The following LGR6 variants were observed in gnomAD, a reference collection of about 807,000 sequenced individuals.
LGR6 encodes leucine-rich repeat-containing G protein-coupled receptor 6.
Under a neutral mutation model 69.4 loss-of-function variants are expected in LGR6, and 45 were observed. That is an observed-to-expected ratio of 0.65 (90% confidence interval 0.51 to 0.83). The LOEUF (loss-of-function observed/expected upper bound fraction) is 0.83. LGR6 is among the 40% of genes least tolerant of loss of function. The pLI is 0.00. For missense variants in LGR6, 1,108 were observed against 1,246.7 expected (o/e 0.89, Z 1.68); for synonymous variants, 538 against 555.0 (o/e 0.97, Z 0.43).
At chr1:202,231,812 G>A (rs940550297) in intron 3 of LGR6, among the ~76,000 whole-genome samples, 4 of 152,086 alleles carry the variant, frequency 2.6e-5, no homozygotes, top group African/African-American at 9.7e-5. Context: ...CATTTTGTGG[G>A]CTGGGTGCGG....
At position 202,304,630 on chromosome 1, in the gene LGR6, T is replaced by C; in HGVS notation, c.1070T>C (p.Leu357Pro). 1.2e-6 allele frequency: 2 copies of C among 1,607,256 alleles called. No individual in the cohort carries two copies. Among genetic ancestry groups the C allele is most frequent in the Non-Finnish European group, 1.7e-6 (2 of 1,174,782 alleles). Residue 357 changes from leucine to proline, a missense_variant and splice_region_variant, in exon 11 of 18, where the codon CTG becomes CCG. Coordinates refer to ENST00000367278, the MANE Select transcript of LGR6 (RefSeq NM_001017403.2). ...MCQQLPRLRVLELSHNQIEEL... is the reference protein window; with the variant it reads ...MCQQLPRLRVPELSHNQIEEL... ...CAACAGCTGCCCAGGCTCCGAGTCC[T>C]GTGAGTGCTCACAAGAATTCTACAG...
chr1:202,204,443 ACCTC>A (rs1658975184), intron 1 of LGR6, among the ~76,000 whole-genome samples: 2 of 41,510 alleles, frequency 4.8e-5, no homozygotes, highest in Non-Finnish European at 4.6e-5. Context: ...ACACACACAC[ACCTC>A]CACACACACA....
intron 1 of LGR6, among the ~76,000 whole-genome samples, chr1:202,204,690 C>T (rs1389054752): frequency 3.4e-4 from 5 of 14,866 alleles, no homozygotes; most frequent in Admixed American, 9.4e-4. Context: ...CACACACACA[C>T]CCCCAAACAC....
At chr1:202,217,820 GC>G (rs1174609588) in intron 1 of LGR6, among the ~76,000 whole-genome samples, 2 of 152,180 alleles carry the variant, frequency 1.3e-5, no homozygotes, top group East Asian at 3.8e-4. Flanking sequence ...TAAAGCAGTA[GC>G]CCTTTTATTT....
chr1:202,234,507 T>C (rs1661357102), intron 3 of LGR6, among the ~76,000 whole-genome samples: 2 of 152,206 alleles, frequency 1.3e-5, no homozygotes, highest in African/African-American at 4.8e-5. Context: ...AGGCTCATCA[T>C]CTTACTGCTC....
intron 14 of LGR6, 135 bp from the exon 15 acceptor site, chr1:202,308,916 T>C: frequency 1.8e-6 from 2 of 1,081,728 alleles, no homozygotes; most frequent in Non-Finnish European, 2.6e-6. Context: ...CAATGCTCTC[T>C]TCTAAGCTTC....
At chr1:202,274,185 T>C (rs1418567451) in intron 4 of LGR6, among the ~76,000 whole-genome samples, 1 of 152,156 alleles carries the variant, frequency 6.6e-6, no homozygotes, top group Non-Finnish European at 1.5e-5. Flanking sequence ...AGCTTACTGG[T>C]GTGCTTGGTC....
chr1:202,253,620 CTTTTTTTTTT>C (rs71141468), intron 4 of LGR6, among the ~76,000 whole-genome samples: 1 of 52,460 alleles, frequency 1.9e-5, no homozygotes, highest in African/African-American at 6.9e-5. Context: ...TCCTACTATT[CTTTTTTTTTT>C]TTTTTTTTTT....
In LGR6 at chr1:202,318,716, C is replaced by T; in HGVS notation, c.2413C>T (p.Pro805Ser). 1 of 1,613,482 alleles carries T rather than the reference C, an allele frequency of 6.2e-7. No homozygotes were observed. Among genetic ancestry groups the T allele is most frequent in the South Asian group, 1.1e-5 (1 of 91,074 alleles). The change falls in exon 18 of 18, where the codon CCC (proline) becomes TCC (serine). Residue 805 changes from proline to serine, a missense_variant. Coordinates refer to ENST00000367278, the MANE Select transcript of LGR6 (RefSeq NM_001017403.2). ...CATGCTGGGCCTCTTCCCTGTCACG[C>T]CCGAGGCCGTCAAGTCTGTCCTGCT... ...ASMLGLFPVT[P>S]EAVKSVLLVV...
chr1:202,253,369 C>A (rs140699816), intron 4 of LGR6, among the ~76,000 whole-genome samples: 4 of 151,720 alleles, frequency 2.6e-5, no homozygotes, highest in African/African-American at 9.7e-5. Flanking sequence ...GTGGCGCGAT[C>A]TCGGCTCACT....
intron 12 of LGR6, 60 bp from the exon 13 acceptor site, chr1:202,306,808 G>A (rs531469182): frequency 3.4e-6 from 5 of 1,467,362 alleles, no homozygotes; most frequent in East Asian, 4.5e-5. Context: ...TGCTCGGGGG[G>A]CATGGAGCGG....
At chr1:202,261,783 G>A (rs541545943) in intron 4 of LGR6, among the ~76,000 whole-genome samples, 129 of 152,228 alleles carry the variant, frequency 8.5e-4, no homozygotes, top group African/African-American at 3.1e-3. Flanking sequence ...ATTCTAACTG[G>A]TGTGAGATAG....
intron 16 of LGR6, among the ~76,000 whole-genome samples, chr1:202,314,509 C>T (rs1172933787): frequency 6.6e-6 from 1 of 152,202 alleles, no homozygotes. Context: ...CTCGAAGCAG[C>T]ACTTGTGGGT....
intron 1 of LGR6, 96 bp from the exon 2 acceptor site, chr1:202,225,327 G>A (rs1248197645): frequency 9.4e-7 from 1 of 1,060,448 alleles, no homozygotes; most frequent in South Asian, 1.3e-5. Flanking sequence ...TACTGTGGGA[G>A]CCTCGGAGGT....
At chr1:202,303,878 C>T (rs1667785441) in intron 10 of LGR6, among the ~76,000 whole-genome samples, 2 of 152,204 alleles carry the variant, frequency 1.3e-5, no homozygotes, top group Non-Finnish European at 2.9e-5. Flanking sequence ...TTCATGGCAC[C>T]ACTGGGACTG....
intron 4 of LGR6, among the ~76,000 whole-genome samples, chr1:202,273,269 G>A (rs1665257635): frequency 6.6e-6 from 1 of 152,132 alleles, no homozygotes; most frequent in Non-Finnish European, 1.5e-5. Context: ...CTGTAGGGAT[G>A]TTCTCTGCCC....
At chr1:202,206,584 C>T (rs1038078487) in intron 1 of LGR6, among the ~76,000 whole-genome samples, 1 of 152,126 alleles carries the variant, frequency 6.6e-6, no homozygotes, top group African/African-American at 2.4e-5. Context: ...GGATCTTGCA[C>T]TGTCACCCCG....
chr1:202,265,303 C>T (rs566161851), intron 4 of LGR6, among the ~76,000 whole-genome samples: 2 of 152,270 alleles, frequency 1.3e-5, no homozygotes, highest in South Asian at 4.1e-4. Flanking sequence ...ACTCAGGCTC[C>T]GACTCCCCAG....
intron 1 of LGR6, among the ~76,000 whole-genome samples, chr1:202,217,910 A>G (rs79157508): frequency 0.024 from 3,601 of 152,358 alleles, 66 homozygotes; most frequent in Non-Finnish European, 0.035. Context: ...GTGTGTGAAG[A>G]TAGACACACT....
Sources: allele counts gnomAD v4.1 joint callset (sites outside exome capture counted in the v4.1 genomes callset), GRCh38; gene constraint gnomAD v4.1.1; transcripts MANE v1.5; gene names NCBI Gene and HGNC (gene_info 2026-07-23, HGNC 2026-07-21).